The following NRG1 variants were observed in gnomAD, a reference collection of about 807,000 sequenced individuals.
NRG1 encodes the protein pro-neuregulin-1, membrane-bound isoform.
Under a neutral mutation model 63.8 loss-of-function variants are expected in NRG1, and 18 were observed. That is an observed-to-expected ratio of 0.28 (90% confidence interval 0.19 to 0.42). The LOEUF (loss-of-function observed/expected upper bound fraction) is 0.42, where lower values mean the gene tolerates loss of function less well. Ranked by LOEUF, NRG1 falls within the 10% of genes least tolerant of loss-of-function variation. The pLI, the probability that NRG1 is intolerant of heterozygous loss-of-function variation, is 1.00. For synonymous variants in NRG1, 302 were observed against 301.3 expected (o/e 1.00, Z -0.02); for missense variants, 762 against 814.7 (o/e 0.94, Z 0.79).
intron 1 of NRG1, among the ~76,000 whole-genome samples, chr8:32,315,124 G>A (rs1014260146): frequency 1.3e-5 from 2 of 152,170 alleles, no homozygotes; most frequent in Non-Finnish European, 2.9e-5. Context: ...TGCAGGACGT[G>A]CAGGTTTGTT....
At chr8:32,015,854 GT>G (rs1371465038) in intron 1 of NRG1, among the ~76,000 whole-genome samples, 9 of 148,900 alleles carry the variant, frequency 6.0e-5, no homozygotes, top group Admixed American at 2.7e-4. Flanking sequence ...TCTCTTGTTT[GT>G]TTTTTTTTTT....
At chr8:31,986,107 A>G (rs574854380) in intron 1 of NRG1, among the ~76,000 whole-genome samples, 1 of 152,226 alleles carries the variant, frequency 6.6e-6, no homozygotes, top group Admixed American at 6.5e-5. Context: ...TGCTTGTGTC[A>G]TAGGACTGCA....
chr8:31,772,396 C>G (rs956581460), intron 1 of NRG1, among the ~76,000 whole-genome samples: 2 of 152,174 alleles, frequency 1.3e-5, no homozygotes, highest in Non-Finnish European at 2.9e-5. Context: ...GACTGTTGAC[C>G]TACTGAAGGG....
At chr8:32,071,334 C>T (rs769309663) in intron 1 of NRG1, among the ~76,000 whole-genome samples, 1 of 152,140 alleles carries the variant, frequency 6.6e-6, no homozygotes, top group Non-Finnish European at 1.5e-5. Flanking sequence ...TAACTCTGTG[C>T]AGTCGTAGAG....
intron 5 of NRG1, among the ~76,000 whole-genome samples, chr8:32,708,556 A>T (rs1407042288): frequency 2.0e-5 from 3 of 152,188 alleles, no homozygotes; most frequent in Non-Finnish European, 2.9e-5. Context: ...CTGAGTTTGA[A>T]TCCCAGCTCT....
intron 1 of NRG1, among the ~76,000 whole-genome samples, chr8:32,474,677 G>GT (rs1014657813): frequency 1.5e-4 from 23 of 151,288 alleles, no homozygotes; most frequent in African/African-American, 2.4e-4. Context: ...GTGTGTGTGT[G>GT]TTTTTTTTAG....
chr8:31,865,216 G>T (rs548801051), intron 1 of NRG1, among the ~76,000 whole-genome samples: 3 of 152,198 alleles, frequency 2.0e-5, no homozygotes, highest in East Asian at 1.9e-4. Flanking sequence ...GGAAACCCCA[G>T]AAGTAATGTG....
At chr8:31,678,830 G>A (rs1808016789) in intron 1 of NRG1, among the ~76,000 whole-genome samples, 1 of 148,390 alleles carries the variant, frequency 6.7e-6, no homozygotes, top group Non-Finnish European at 1.5e-5. Context: ...ACTTTATATT[G>A]ATATAAAATT....
At position 32,246,830 on chromosome 8, in the gene NRG1, G is replaced by A. The variant is rs543585898; in HGVS notation, c.38-348998G>A. ...GGATGGGGGTGGAGGGAATGGGGAG[G>A]TGATGGTCAAAGGCTATAAAATCTT... On this transcript the variant is annotated intron_variant, in intron 1 of 10. Transcript: ENST00000519301. Among the ~76,000 whole-genome samples, 75 of 152,122 alleles carry A rather than the reference G, an allele frequency of 4.9e-4. 1 individual carries two copies. Among genetic ancestry groups the A allele is most frequent in the South Asian group, 2.3e-3 (11 of 4,826 alleles).
chr8:32,340,733 T>C (rs1348007695), intron 1 of NRG1, among the ~76,000 whole-genome samples: 1 of 152,188 alleles, frequency 6.6e-6, no homozygotes, highest in Non-Finnish European at 1.5e-5. Flanking sequence ...ACAGAATACA[T>C]GCCTGAGCTG....
chr8:32,395,309 A>G (rs1812301283), intron 1 of NRG1, among the ~76,000 whole-genome samples: 1 of 152,216 alleles, frequency 6.6e-6, no homozygotes, highest in Non-Finnish European at 1.5e-5. Flanking sequence ...CCACTTTTAA[A>G]TATTGCCAAA....
intron 1 of NRG1, among the ~76,000 whole-genome samples, chr8:32,018,031 C>G (rs1815837181): frequency 6.6e-6 from 1 of 152,136 alleles, no homozygotes; most frequent in South Asian, 2.1e-4. Flanking sequence ...AGTCCTCAGT[C>G]AAATCATTAG....
At chr8:32,410,518 T>C (rs1048814491) in intron 1 of NRG1, among the ~76,000 whole-genome samples, 2 of 152,166 alleles carry the variant, frequency 1.3e-5, no homozygotes, top group African/African-American at 2.4e-5. Context: ...ATACAAACTT[T>C]CTGGAGAACA....
At chr8:32,460,197 G>A (rs1250228105) in intron 1 of NRG1, among the ~76,000 whole-genome samples, 1 of 152,210 alleles carries the variant, frequency 6.6e-6, no homozygotes, top group Admixed American at 6.5e-5. Flanking sequence ...AAAATTGTTA[G>A]AAGACACCAT....
chr8:31,963,279 G>A (rs1805772740), intron 1 of NRG1, among the ~76,000 whole-genome samples: 1 of 152,202 alleles, frequency 6.6e-6, no homozygotes, highest in African/African-American at 2.4e-5. Context: ...TCAACACAAT[G>A]TGTCAGCTAA....
rs563425295 is a variant in NRG1 at position 32,146,962 on chromosome 8, A to G, written c.38-448866A>G. Among the ~76,000 whole-genome samples, 36 of 152,320 alleles carry G rather than the reference A, an allele frequency of 2.4e-4. No homozygotes were observed. In the East Asian group the frequency reaches 6.7e-3, roughly 29 times the overall value. On this transcript the variant is annotated intron_variant, in intron 1 of 10. Coordinates refer to the NRG1 transcript ENST00000519301. ...ACTAAAGAGAAGAGATTGAGATATT[A>G]TCATGAGAATTTAATAAGAGAATTA... is the stretch of plus-strand genomic sequence containing the variant.
chr8:32,395,349 AT>A (rs2129484240), intron 1 of NRG1, among the ~76,000 whole-genome samples: 1 of 152,350 alleles, frequency 6.6e-6, no homozygotes, highest in South Asian at 2.1e-4. Flanking sequence ...ATTATTTTAC[AT>A]TCCCAACAGC....
upstream of NRG1, among the ~76,000 whole-genome samples, chr8:32,545,755 A>G (rs1282185900): frequency 2.0e-5 from 3 of 152,320 alleles, no homozygotes; most frequent in East Asian, 5.8e-4. Context: ...GATTTTTAGA[A>G]AAAAACCTTT....
At chr8:32,446,516 G>A (rs908613065) in intron 1 of NRG1, among the ~76,000 whole-genome samples, 12 of 152,212 alleles carry the variant, frequency 7.9e-5, no homozygotes, top group African/African-American at 1.2e-4. Context: ...TTAGCTGGGC[G>A]TGGTGGTACA....
Sources: allele counts gnomAD v4.1 joint callset (sites outside exome capture counted in the v4.1 genomes callset), GRCh38; gene constraint gnomAD v4.1.1; transcripts MANE v1.5; gene names NCBI Gene and HGNC (gene_info 2026-07-23, HGNC 2026-07-21).